Variants in CSMD1 observed in about 807,000 individuals in gnomAD.
The protein encoded by CSMD1 is CUB and sushi domain-containing protein 1.
A neutral mutation model predicts 417.5 loss-of-function variants in CSMD1; 213 were observed. The ratio of observed to expected loss-of-function variants is 0.51; its 90% CI spans 0.46 to 0.57. The LOEUF (loss-of-function observed/expected upper bound fraction) is 0.57, where lower values mean the gene tolerates loss of function less well. CSMD1 is among the 20% of genes least tolerant of loss of function. The probability of loss-of-function intolerance (pLI) is 0.00; values close to 1 mark genes in which losing one functional copy is unlikely to be tolerated. For missense variants in CSMD1, 6,923 were observed against 4,529.7 expected (o/e 1.53, Z -15.17); for synonymous variants, 2,862 against 1,736.8 (o/e 1.65, Z -16.11).
chr8:4,024,086 C>G (rs1357918058), intron 4 of CSMD1, among the ~76,000 whole-genome samples: 1 of 151,924 alleles, frequency 6.6e-6, no homozygotes, highest in Non-Finnish European at 1.5e-5. Flanking sequence ...AGAGTAGAAG[C>G]AAGAATATTC....
intron 3 of CSMD1, among the ~76,000 whole-genome samples, chr8:4,088,446 GTCTC>G (rs903561221): frequency 6.6e-6 from 1 of 152,162 alleles, no homozygotes; most frequent in Non-Finnish European, 1.5e-5. Context: ...CTCAGCCTCT[GTCTC>G]TCTCTATCCA....
At chr8:4,979,016 A>G (rs980822895) in intron 1 of CSMD1, among the ~76,000 whole-genome samples, 1 of 152,192 alleles carries the variant, frequency 6.6e-6, no homozygotes, top group Non-Finnish European at 1.5e-5. Flanking sequence ...TACTTTGAAG[A>G]GCAAAATTTC....
intron 37 of CSMD1, among the ~76,000 whole-genome samples, chr8:3,164,467 ACTT>A (rs1820090152): frequency 6.6e-6 from 1 of 152,174 alleles, no homozygotes. Flanking sequence ...TAGGCCTTTA[ACTT>A]CTTTTACTAA....
intron 21 of CSMD1, among the ~76,000 whole-genome samples, chr8:3,353,229 T>C (rs1161042462): frequency 6.6e-6 from 1 of 152,184 alleles, no homozygotes; most frequent in Non-Finnish European, 1.5e-5. Flanking sequence ...CTGAATGGGA[T>C]GGGTTACTAT....
rs773852026 is a variant in CSMD1, at chr8:3,707,342, C to T, written c.1009+1072G>A. Among the ~76,000 whole-genome samples, 14 of 152,250 alleles carry T rather than the reference C, an allele frequency of 9.2e-5. 1 individual carries two copies. The highest frequency in any genetic ancestry group is 1.9e-4 in the Non-Finnish European group (13 of 68,022). ...GAGAGGGTTCAGATGTCCATCCCAG[C>T]CCTTCCACTAATTGCTAGGCAACGG... On this transcript the variant is annotated intron_variant, in intron 7 of 69. Transcript: ENST00000635120.
chr8:4,163,237 C>G (rs4407898), intron 3 of CSMD1, among the ~76,000 whole-genome samples: 1 of 151,892 alleles, frequency 6.6e-6, no homozygotes, highest in Non-Finnish European at 1.5e-5. Context: ...TTAGCTCCTT[C>G]AGATAAATAA....
At chr8:4,763,430 T>G (rs541485777) in intron 1 of CSMD1, among the ~76,000 whole-genome samples, 1 of 152,182 alleles carries the variant, frequency 6.6e-6, no homozygotes, top group African/African-American at 2.4e-5. Context: ...ATAGGTCACT[T>G]ACAAAGAAGG....
Position 2,957,676 on chromosome 8 carries a change from G to C in CSMD1, c.9814+20C>G, listed in dbSNP as rs79400722. 6,114 of 1,429,858 alleles carry C rather than the reference G, an allele frequency of 4.3e-3. 184 individuals are homozygous for C. The African/African-American group carries it at 0.072, about 17-fold the overall frequency. 88.6% of individuals were successfully genotyped at this position (1,429,858 alleles called of 1,614,324 possible). ...AATAAATAGGTGACTTGTGATGGGG[G>C]TGGAAGAAATCACACTTACGTATAC... On this transcript the variant is annotated intron_variant, in intron 63 of 69. Transcript: ENST00000635120.
intron 26 of CSMD1, chr8:3,278,489 TG>T: frequency 6.6e-6 from 1 of 152,346 alleles, no homozygotes; most frequent in Non-Finnish European, 1.5e-5. Flanking sequence ...CATTTTTGCT[TG>T]GAAACAATGG....
rs116635028 is a variant in CSMD1, at chr8:4,761,414, A to G, written c.86-123856T>C. ...TATATATATACACACATATATATACACACAATTACATAAAATATGTTGCTG... is the reference window on the plus strand; with the variant it reads ...TATATATATACACACATATATATACGCACAATTACATAAAATATGTTGCTG... On this transcript the variant is annotated intron_variant, in intron 1 of 69. Transcript: ENST00000635120. 4.5e-3 allele frequency among the ~76,000 whole-genome samples: 685 copies of G among 152,236 alleles called. 3 individuals carry two copies. The highest frequency in any genetic ancestry group is 0.016 in the African/African-American group (663 of 41,540).
chr8:4,415,679 A>G (rs1253627302), intron 3 of CSMD1, among the ~76,000 whole-genome samples: 2 of 152,338 alleles, frequency 1.3e-5, no homozygotes, highest in South Asian at 2.1e-4. Flanking sequence ...TGTCTCTGGT[A>G]GAGGCCCCGT....
intron 49 of CSMD1, among the ~76,000 whole-genome samples, chr8:3,058,727 G>C (rs746124953): frequency 5.1e-4 from 77 of 151,954 alleles, no homozygotes; most frequent in Non-Finnish European, 1.6e-4. Flanking sequence ...AACAGGCTGC[G>C]TGGTCTCGGA....
intron 2 of CSMD1, among the ~76,000 whole-genome samples, chr8:4,463,068 T>C (rs1339944027): frequency 6.6e-6 from 1 of 152,156 alleles, no homozygotes; most frequent in African/African-American, 2.4e-5. Flanking sequence ...GCATCTGGAA[T>C]ACATAAAGAT....
rs189596584 is a variant in CSMD1, at chr8:4,527,887, A to G, written c.303-107822T>C. Among the ~76,000 whole-genome samples the G allele has an allele frequency of 3.9e-4, 59 of 152,246 alleles. 1 individual carries two copies. The East Asian group carries it at 0.01, about 26-fold the overall frequency. On this transcript the variant is annotated intron_variant, in intron 2 of 69. Transcript: ENST00000635120. ...TTAGTTCTATGAAATCAGACTTAAC[A>G]GGGGAAGATAAGGCAACCTACAGGG... is the stretch of plus-strand genomic sequence containing the variant.
In CSMD1 at chr8:4,121,216, G is replaced by A. The variant is rs149759909; in HGVS notation, c.416-89117C>T. Among the ~76,000 whole-genome samples, 230 of 152,250 alleles carry A rather than the reference G, an allele frequency of 1.5e-3. 1 individual carries two copies. Among genetic ancestry groups the A allele is most frequent in the African/African-American group, 5.3e-3 (221 of 41,554 alleles). On this transcript the variant is annotated intron_variant, in intron 3 of 69. Transcript: ENST00000635120. ...AGCAACCTCTGCCTCTCGGGTTCAA[G>A]CAATTCTCCTGCCTCAGCCTCCCAG...
At chr8:3,182,611 T>A (rs1485687672) in intron 36 of CSMD1, among the ~76,000 whole-genome samples, 1 of 63,892 alleles carries the variant, frequency 1.6e-5, no homozygotes, top group Non-Finnish European at 5.1e-5. Context: ...TGTGTGTGTG[T>A]GTGTGTGTGT....
At chr8:4,528,509 C>T (rs1164938031) in intron 2 of CSMD1, among the ~76,000 whole-genome samples, 2 of 152,074 alleles carry the variant, frequency 1.3e-5, no homozygotes, top group African/African-American at 4.8e-5. Flanking sequence ...AGCATGGCGC[C>T]TAGAGTTAAC....
chr8:3,655,991 G>C lies in CSMD1; in HGVS notation c.1010-39194C>G, dbSNP rs545399750. Among the ~76,000 whole-genome samples the C allele has an allele frequency of 3.3e-5, 5 of 152,260 alleles. No homozygotes were observed. In the South Asian group the frequency reaches 6.2e-4, roughly 19 times the overall value. ...TGGCTCAGAACCCCTTTCACTGAAA[G>C]GGTTGGTGAAATAAGTTTTATTCTG... is the stretch of plus-strand genomic sequence containing the variant. On this transcript the variant is annotated intron_variant, in intron 7 of 69. Coordinates refer to ENST00000635120, the MANE Select transcript of CSMD1 (RefSeq NM_033225.6).
intron 5 of CSMD1, among the ~76,000 whole-genome samples, chr8:3,884,892 TTTATA>T (rs1166901705): frequency 1.3e-5 from 2 of 149,766 alleles, no homozygotes; most frequent in Non-Finnish European, 1.5e-5. Flanking sequence ...AATTATAACT[TTTATA>T]TTAAAGGCCT....
Sources: allele counts gnomAD v4.1 joint callset (sites outside exome capture counted in the v4.1 genomes callset), GRCh38; gene constraint gnomAD v4.1.1; transcripts MANE v1.5; gene names NCBI Gene and HGNC (gene_info 2026-07-23, HGNC 2026-07-21).